Variants in CNBD1 observed in about 807,000 individuals in gnomAD.
CNBD1 encodes cyclic nucleotide binding domain containing 1.
CNBD1 carries 71 observed loss-of-function variants against 54.4 expected under a neutral mutation model. The ratio of observed to expected loss-of-function variants is 1.30; its 90% CI spans 1.08 to 1.59. CNBD1 has a LOEUF of 1.59. CNBD1 is among the 40% of genes most tolerant of loss of function. The probability of loss-of-function intolerance (pLI) is 0.00; values close to 1 mark genes in which losing one functional copy is unlikely to be tolerated. For synonymous variants in CNBD1, 182 were observed against 170.7 expected (o/e 1.07, Z -0.51); for missense variants, 659 against 518.0 (o/e 1.27, Z -2.64).
At chr8:87,383,737 G>T (rs145957135), downstream of CNBD1, among the ~76,000 whole-genome samples, 4 of 152,022 alleles carry the variant, frequency 2.6e-5, no homozygotes, top group Non-Finnish European at 5.9e-5. Flanking sequence ...TGCCAAATGC[G>T]CAAGAAACTA....
intron 4 of CNBD1, among the ~76,000 whole-genome samples, chr8:86,964,633 G>A (rs887045248): frequency 6.6e-5 from 10 of 152,204 alleles, no homozygotes; most frequent in Non-Finnish European, 7.3e-5. Flanking sequence ...AAATGGGACC[G>A]TGTTTACCAC....
chr8:86,945,446 T>C (rs922747438), intron 4 of CNBD1, among the ~76,000 whole-genome samples: 5 of 152,158 alleles, frequency 3.3e-5, no homozygotes, highest in Non-Finnish European at 4.4e-5. Flanking sequence ...CTGTTTAAAA[T>C]CCAAATGCAA....
chr8:87,323,942 C>A lies in CNBD1; in HGVS notation c.1043-27743C>A. 2.2e-5 allele frequency among the ~76,000 whole-genome samples: 3 copies of A among 138,250 alleles called. No individual in the cohort carries two copies. In the South Asian group the frequency reaches 6.7e-4, roughly 31 times the overall value. 90.7% of individuals were successfully genotyped at this position (138,250 alleles called of 152,430 possible). A position where few individuals can be genotyped will look rare whatever the true frequency, so the allele number is the denominator to read the frequency against. ...CAGTATGATATTGGCTGTGGGTTTG[C>A]CATAGATAGCTCTTATTATTTTGAA... On this transcript the variant is annotated intron_variant, in intron 8 of 10. Transcript: ENST00000518476.
intron 4 of CNBD1, among the ~76,000 whole-genome samples, chr8:87,080,426 G>T (rs1190509987): frequency 1.3e-4 from 19 of 151,934 alleles, no homozygotes; most frequent in Admixed American, 9.2e-4. Flanking sequence ...TACTAATAAC[G>T]CAAAAATTAG....
chr8:87,053,117 A>C (rs1327778527), intron 4 of CNBD1, among the ~76,000 whole-genome samples: 1 of 152,168 alleles, frequency 6.6e-6, no homozygotes, highest in Non-Finnish European at 1.5e-5. Context: ...ATCATCCACT[A>C]TGTGCCTGCC....
chr8:87,090,867 A>G (rs1038915260), intron 4 of CNBD1, among the ~76,000 whole-genome samples: 1 of 152,134 alleles, frequency 6.6e-6, no homozygotes, highest in African/African-American at 2.4e-5. Context: ...TAGGCTGTGC[A>G]CGGTGGCTCA....
Position 87,193,949 on chromosome 8 carries a change from A to G in CNBD1, c.432-12044A>G, listed in dbSNP as rs141902839. Among the ~76,000 whole-genome samples the G allele has an allele frequency of 2.1e-3, 322 of 152,318 alleles. 8 individuals are homozygous for G. The highest frequency in any genetic ancestry group is 0.019 in the East Asian group (97 of 5,176). ...GTGCAGGGGTCCCTAACCCTGGGCC[A>G]TAGACTGATACAGTGTCTCCTAAGG... On this transcript the variant is annotated intron_variant, in intron 4 of 10. Coordinates refer to ENST00000518476, the MANE Select transcript of CNBD1 (RefSeq NM_173538.3).
chr8:87,378,476 T>C (rs1247938503), intron 10 of CNBD1, among the ~76,000 whole-genome samples: 2 of 151,166 alleles, frequency 1.3e-5, no homozygotes, highest in Non-Finnish European at 1.5e-5. Flanking sequence ...ATATGTGGCA[T>C]TATTTCTGAG....
chr8:86,953,757 C>G (rs1359511275), intron 4 of CNBD1, among the ~76,000 whole-genome samples: 1 of 152,112 alleles, frequency 6.6e-6, no homozygotes, highest in Non-Finnish European at 1.5e-5. Context: ...ATCCCAGCTA[C>G]TCAGGAGGCT....
chr8:87,017,755 T>C (rs1809397597), intron 4 of CNBD1, among the ~76,000 whole-genome samples: 1 of 152,150 alleles, frequency 6.6e-6, no homozygotes, highest in Admixed American at 6.5e-5. Flanking sequence ...TATTTTCTTT[T>C]ATTTGGGGAA....
intron 4 of CNBD1, among the ~76,000 whole-genome samples, chr8:87,024,608 C>G (rs1809588221): frequency 6.6e-6 from 1 of 152,106 alleles, no homozygotes; most frequent in Non-Finnish European, 1.5e-5. Context: ...TCCCAAACTG[C>G]TGGGATTATA....
At chr8:86,989,674 C>A (rs1282275546) in intron 4 of CNBD1, among the ~76,000 whole-genome samples, 1 of 152,142 alleles carries the variant, frequency 6.6e-6, no homozygotes, top group Non-Finnish European at 1.5e-5. Flanking sequence ...TGGTCTCTAA[C>A]TCCTGAGCTC....
chr8:87,352,539 G>A (rs944692098), intron 9 of CNBD1, among the ~76,000 whole-genome samples: 24 of 150,482 alleles, frequency 1.6e-4, no homozygotes, highest in Admixed American at 8.6e-4. Context: ...AGTAGTCCAC[G>A]TATCCACTGA....
rs549909804 is a variant in CNBD1, at chr8:87,043,796, C to T, written c.431+104042C>T. The stretch of plus-strand genomic sequence containing the variant: ...GGCTCCCTCTTACCTCTCGATGTTT[C>T]TAAAAACTCATTATTTCTTTAGCGT... On this transcript the variant is annotated intron_variant, in intron 4 of 10. Transcript: ENST00000518476. 2.0e-3 allele frequency among the ~76,000 whole-genome samples: 312 copies of T among 152,326 alleles called. 1 individual carries two copies. Among genetic ancestry groups the T allele is most frequent in the African/African-American group, 7.1e-3 (296 of 41,580 alleles).
chr8:87,006,245 C>G (rs1388544441), intron 4 of CNBD1, among the ~76,000 whole-genome samples: 1 of 152,172 alleles, frequency 6.6e-6, no homozygotes, highest in East Asian at 1.9e-4. Flanking sequence ...TCTCTCTCTT[C>G]TCTGTCCCTT....
chr8:87,239,218 GT>G (rs903756139), intron 6 of CNBD1, among the ~76,000 whole-genome samples: 2 of 152,076 alleles, frequency 1.3e-5, no homozygotes, highest in Admixed American at 6.5e-5. Flanking sequence ...TTTTGTTGTT[GT>G]TTAAGTTTGC....
At chr8:86,894,516 A>G (rs1414295569) in intron 2 of CNBD1, among the ~76,000 whole-genome samples, 1 of 152,114 alleles carries the variant, frequency 6.6e-6, no homozygotes, top group African/African-American at 2.4e-5. Flanking sequence ...CGATGTTGTT[A>G]TTTACTATTA....
chr8:87,409,137 A>G (rs1807698598), intron 2 of CNBD1, among the ~76,000 whole-genome samples: 2 of 152,186 alleles, frequency 1.3e-5, no homozygotes, highest in South Asian at 4.1e-4. Flanking sequence ...TTTTAGCTAA[A>G]TAGTAGCCAT....
intron 2 of CNBD1, among the ~76,000 whole-genome samples, chr8:87,407,263 G>A (rs1807667291): frequency 6.6e-6 from 1 of 152,022 alleles, no homozygotes; most frequent in Non-Finnish European, 1.5e-5. Context: ...AAGAAACACA[G>A]TATATCATTT....
Sources: gnomAD v4.1 joint callset for allele counts (sites outside exome capture counted in the v4.1 genomes callset) on GRCh38, gnomAD v4.1.1 for gene constraint, MANE v1.5 for transcripts, NCBI Gene and HGNC (gene_info 2026-07-23, HGNC 2026-07-21) for gene names.